SERPINE2: variants seen among roughly 807,000 people sequenced by gnomAD.
The protein encoded by SERPINE2 is serpin family E member 2, also known as glia-derived nexin.
In SERPINE2, 14 loss-of-function variants were observed where a neutral mutation model predicts 36.3. That is an observed-to-expected ratio of 0.39 (90% CI 0.25 to 0.60). The LOEUF (loss-of-function observed/expected upper bound fraction) is 0.60, where lower values mean the gene tolerates loss of function less well. Ranked by LOEUF, SERPINE2 falls within the 20% of genes least tolerant of loss-of-function variation. The pLI, the probability that SERPINE2 is intolerant of heterozygous loss-of-function variation, is 0.57. For synonymous variants in SERPINE2, 192 were observed against 191.8 expected, an observed-to-expected ratio of 1.00 and a Z score of -0.01; for missense variants, 418 against 499.6, an observed-to-expected ratio of 0.84 and a Z score of 1.56.
chr2:224,002,671 T>TTA (rs1190533445), intron 1 of SERPINE2, among the ~76,000 whole-genome samples: 6 of 150,110 alleles, frequency 4.0e-5, no homozygotes, highest in African/African-American at 4.9e-5. Context: ...TTTTTTTTTT[T>TTA]TTTTTTTTTA....
chr2:224,013,752 C>T (rs1346818668), intron 1 of SERPINE2: 1 of 152,230 alleles, frequency 6.6e-6, no homozygotes, highest in Non-Finnish European at 1.5e-5. Flanking sequence ...CGGTTCCCTA[C>T]TGCTGCTTTG....
At chr2:223,983,694 GCACA>G (rs71058970) in intron 5 of SERPINE2, among the ~76,000 whole-genome samples, 50 of 18,932 alleles carry the variant, frequency 2.6e-3, no homozygotes, top group East Asian at 0.014. Flanking sequence ...GGAGATATAT[GCACA>G]CACACACACA....
intron 5 of SERPINE2, 82 bp downstream of exon 5, chr2:223,984,670 G>A (rs920147517): frequency 5.2e-5 from 68 of 1,312,960 alleles, no homozygotes; most frequent in Non-Finnish European, 6.4e-5. Flanking sequence ...CCATATTTTC[G>A]CCTCATGTTG....
intron 1 of SERPINE2, among the ~76,000 whole-genome samples, chr2:224,033,478 T>C (rs1692442457): frequency 6.6e-6 from 1 of 152,070 alleles, no homozygotes; most frequent in South Asian, 2.1e-4. Flanking sequence ...GAGCCAAGAA[T>C]TTATAGGTTT....
At chr2:224,021,797 G>C (rs1239001302) in intron 1 of SERPINE2, among the ~76,000 whole-genome samples, 1 of 152,208 alleles carries the variant, frequency 6.6e-6, no homozygotes, top group Non-Finnish European at 1.5e-5. Context: ...GCCAAGGTGG[G>C]TGGATCACAT....
intron 1 of SERPINE2, among the ~76,000 whole-genome samples, chr2:224,028,483 G>C (rs1316050349): frequency 1.3e-5 from 2 of 152,168 alleles, no homozygotes; most frequent in Non-Finnish European, 2.9e-5. Flanking sequence ...GTGAGGCCGT[G>C]CATCACTGCT....
At position 223,995,608 on chromosome 2, in the gene SERPINE2, T is replaced by TTTTTTG. The variant is rs71408601; in HGVS notation, c.487+2501_487+2506dup. 4.1e-4 allele frequency among the ~76,000 whole-genome samples: 62 copies of TTTTTTG among 152,142 alleles called. No individual in the cohort carries two copies. The South Asian group carries it at 8.1e-3, about 20-fold the overall frequency. On this transcript the variant is annotated intron_variant, in intron 3 of 8. Coordinates refer to ENST00000409304, the MANE Select transcript of SERPINE2 (RefSeq NM_001136528.2). ...GTGTGTAAACACAGGGTGTTTTGGG[T>TTTTTTG]TTTTTGTTTTTGTTTTTGTTTTTGT...
intron 1 of SERPINE2, among the ~76,000 whole-genome samples, chr2:224,014,742 G>C (rs888971658): frequency 2.0e-5 from 3 of 152,206 alleles, no homozygotes; most frequent in Non-Finnish European, 4.4e-5. Flanking sequence ...TTTGAAGTCA[G>C]GGTAGCATTT....
chr2:223,991,833 T>C lies in SERPINE2; in HGVS notation c.655A>G (p.Met219Val), dbSNP rs1690684962. 10 of 1,614,072 alleles carry C rather than the reference T, an allele frequency of 6.2e-6. No individual in the cohort carries two copies. The highest frequency in any genetic ancestry group is 1.1e-5 in the South Asian group (1 of 91,056). Residue 219 changes from methionine to valine, a missense_variant, in exon 4 of 9, where the codon ATG becomes GTG. Met to Val is a conservative substitution (Grantham distance 21). Coordinates refer to ENST00000409304, the MANE Select transcript of SERPINE2 (RefSeq NM_001136528.2). ...CGGAACACGGAGAGCTGGGCCAGCA[T>C]TGGCACTTGATAGGATTTCCCGTCG... ...AADGKSYQVPMLAQLSVFRCG... is the reference protein window; with the variant it reads ...AADGKSYQVPVLAQLSVFRCG...
At chr2:224,012,759 TATAAC>T (rs1691674342) in intron 1 of SERPINE2, among the ~76,000 whole-genome samples, 1 of 152,202 alleles carries the variant, frequency 6.6e-6, no homozygotes, top group Non-Finnish European at 1.5e-5. Flanking sequence ...AATCACCACT[TATAAC>T]AAGCATCCCT....
At chr2:223,980,962 A>C (rs1373758452) in intron 6 of SERPINE2, 1 of 152,698 alleles carries the variant, frequency 6.5e-6, no homozygotes, top group Non-Finnish European at 1.5e-5. Context: ...TTTTCCTGGA[A>C]GGGCCGATGT....
chr2:223,976,932 AG>A (rs1413831915), intron 8 of SERPINE2, among the ~76,000 whole-genome samples: 1 of 152,354 alleles, frequency 6.6e-6, no homozygotes, highest in African/African-American at 2.4e-5. Flanking sequence ...ACTGAATCAT[AG>A]GAGCAGTTTC....
intron 3 of SERPINE2, among the ~76,000 whole-genome samples, chr2:223,993,057 C>T (rs557214214): frequency 1.3e-5 from 2 of 152,076 alleles, no homozygotes; most frequent in South Asian, 2.1e-4. Flanking sequence ...CCCAGGAGTT[C>T]GAGGCTGTGT....
intron 1 of SERPINE2, among the ~76,000 whole-genome samples, chr2:224,018,123 T>C (rs1211984009): frequency 6.6e-6 from 1 of 152,216 alleles, no homozygotes; most frequent in African/African-American, 2.4e-5. Flanking sequence ...AGCTCAGCCC[T>C]GTGACTCCAT....
intron 7 of SERPINE2, 117 bp downstream of exon 7, chr2:223,980,194 C>T: frequency 1.2e-6 from 1 of 813,348 alleles, no homozygotes; most frequent in Non-Finnish European, 2.1e-6. Context: ...AGGGTTAACC[C>T]ACACACACTG....
In SERPINE2 at chr2:224,001,652, G is replaced by C; in HGVS notation, c.249C>G (p.Tyr83Ter). Residue 83 changes from tyrosine to a stop codon, truncating the protein, a stop_gained, in exon 2 of 9, where the codon TAC (tyrosine) becomes TAG (stop). Transcript: ENST00000409304. LOFTEE classifies it high-confidence loss of function. The stretch of plus-strand genomic sequence containing the variant: ...ATTGTGCACACGCACCATTTACGCC[G>C]TATCTCATCACCATGGCGAGCTGCT... ...TKKQLAMVMR[Y>*]GVNGVGKILK... is the part of the protein sequence containing the mutation. The C allele has an allele frequency of 6.2e-7, 1 of 1,613,612 alleles. No individual in the cohort carries two copies. The highest frequency in any genetic ancestry group is 8.5e-7 in the Non-Finnish European group (1 of 1,179,924).
intron 3 of SERPINE2, 53 bp from the exon 4 acceptor site, chr2:223,992,053 G>A: frequency 6.7e-7 from 1 of 1,498,068 alleles, no homozygotes; most frequent in Non-Finnish European, 9.2e-7. Flanking sequence ...CTGGTGGCCG[G>A]CTTGAGGGCA....
intron 1 of SERPINE2, among the ~76,000 whole-genome samples, chr2:224,037,520 G>C (rs1050298937): frequency 6.6e-6 from 1 of 152,198 alleles, no homozygotes; most frequent in South Asian, 2.1e-4. Flanking sequence ...TGCGCATCTA[G>C]AGCGTCCCCC....
intron 3 of SERPINE2, among the ~76,000 whole-genome samples, chr2:223,993,558 G>A (rs374442730): frequency 1.5e-5 from 2 of 129,268 alleles, no homozygotes; most frequent in African/African-American, 5.3e-5. Context: ...GTGTGTGTGT[G>A]TATGTGTGTA....
Sources: allele counts gnomAD v4.1 joint callset (sites outside exome capture counted in the v4.1 genomes callset), GRCh38; gene constraint gnomAD v4.1.1; transcripts MANE v1.5; gene names NCBI Gene and HGNC (gene_info 2026-07-23, HGNC 2026-07-21).